MTX3: variants seen among roughly 807,000 people sequenced by gnomAD.
MTX3 encodes the protein metaxin-3.
In MTX3, 27 loss-of-function variants were observed where a neutral mutation model predicts 42.5. That is an observed-to-expected ratio of 0.64 (90% CI 0.47 to 0.88). The LOEUF (loss-of-function observed/expected upper bound fraction) is 0.88, where lower values mean the gene tolerates loss of function less well. MTX3 is among the 40% of genes least tolerant of loss of function. The pLI is 0.00. For missense variants in MTX3, 378 were observed against 367.0 expected, an observed-to-expected ratio of 1.03 and a Z score of -0.25; for synonymous variants, 144 against 132.9, an observed-to-expected ratio of 1.08 and a Z score of -0.57.
At chr5:79,984,502 T>G (rs565029257) in intron 8 of MTX3, among the ~76,000 whole-genome samples, 1 of 152,244 alleles carries the variant, frequency 6.6e-6, no homozygotes, top group East Asian at 1.9e-4. Context: ...CACTTCTAAA[T>G]GAGGTAACCC....
At chr5:79,991,002 T>C (rs1265947297) in intron 1 of MTX3, 156 bp downstream of exon 1, 3 of 827,988 alleles carry the variant, frequency 3.6e-6, no homozygotes, top group East Asian at 2.7e-5. Context: ...ATCGGCCAGG[T>C]TGGGACTCGT....
intron 8 of MTX3, 106 bp downstream of exon 8, chr5:79,985,465 T>A: frequency 1.3e-6 from 1 of 746,560 alleles, no homozygotes; most frequent in Non-Finnish European, 2.3e-6. Flanking sequence ...AAACAAACTC[T>A]ATAAAAAAAA....
chr5:79,982,702 T>C lies in MTX3; in HGVS notation c.*982A>G, dbSNP rs563364627. ...AAAATAATTGGTTGTCAGAAAGCTT[T>C]TGACTACATGATATGCATCTTATGA... On this transcript the variant is annotated 3_prime_UTR_variant, in exon 9 of 9. Coordinates refer to ENST00000512528, the MANE Select transcript of MTX3 (RefSeq NM_001363818.2). 3.8e-4 allele frequency: 91 copies of C among 240,228 alleles called. No homozygotes were observed. The highest frequency in any genetic ancestry group is 2.0e-3 in the African/African-American group (86 of 43,794). 14.9% of individuals were successfully genotyped at this position (240,228 alleles called of 1,614,324 possible).
At position 79,976,927 on chromosome 5, in the gene MTX3, G is replaced by A. The variant is rs1831265067; in HGVS notation, c.*6757C>T. ...GGCCAACATTGCTTACTTTAAGATTGTTTACTTTATAAAGAAGCTAGAGTA... is the reference window on the plus strand; with the variant it reads ...GGCCAACATTGCTTACTTTAAGATTATTTACTTTATAAAGAAGCTAGAGTA... On this transcript the variant is annotated 3_prime_UTR_variant, in exon 9 of 9. Transcript: ENST00000512528. 6.6e-6 allele frequency: 1 copy of A among 152,484 alleles called. No homozygotes were observed. Among genetic ancestry groups the A allele is most frequent in the African/African-American group, 2.4e-5 (1 of 41,406 alleles). 9.4% of individuals were successfully genotyped at this position (152,484 alleles called of 1,614,324 possible).
In MTX3 at chr5:79,983,543, A is replaced by C. The variant is rs80135089; in HGVS notation, c.*141T>G. On this transcript the variant is annotated 3_prime_UTR_variant, in exon 9 of 9. Coordinates refer to ENST00000512528, the MANE Select transcript of MTX3 (RefSeq NM_001363818.2). ...TACAAGCTTCCTAATAATAATAGTA[A>C]AAATAGATGGCATAGAAAGTTCCTT... 4.1e-3 allele frequency: 2,689 copies of C among 660,394 alleles called. 9 individuals are homozygous for C. The highest frequency in any genetic ancestry group is 5.8e-3 in the Non-Finnish European group (2,141 of 367,592). 40.9% of individuals were successfully genotyped at this position (660,394 alleles called of 1,614,324 possible).
At position 79,988,485 on chromosome 5, in the gene MTX3, G is replaced by A. The variant is rs911056911; in HGVS notation, c.481C>T (p.His161Tyr). The A allele has an allele frequency of 3.2e-5, 51 of 1,611,790 alleles. No homozygotes were observed. Among genetic ancestry groups the A allele is most frequent in the Non-Finnish European group, 4.2e-5 (50 of 1,179,298 alleles). Residue 161 changes from histidine to tyrosine, a missense_variant, in exon 5 of 9, where the codon CAC becomes TAC. Coordinates refer to ENST00000512528, the MANE Select transcript of MTX3 (RefSeq NM_001363818.2). ...LLTRGQPPLY[H>Y]LREVEAQIYR... is the part of the protein sequence containing the mutation. ...ACCTGTGCTTCCACTTCTCGGAGGT[G>A]GTAGAGGGGAGGCTGTCCTCTGGTC... is the stretch of plus-strand genomic sequence containing the variant.
chr5:79,985,750 C>A, intron 7 of MTX3, 91 bp from the exon 8 acceptor site: 1 of 807,848 alleles, frequency 1.2e-6, no homozygotes. Flanking sequence ...GTCTACCCAC[C>A]CTGTCCAGTG....
At chr5:79,985,346 A>G (rs1321694548) in intron 8 of MTX3, among the ~76,000 whole-genome samples, 1 of 152,112 alleles carries the variant, frequency 6.6e-6, no homozygotes, top group East Asian at 1.9e-4. Context: ...GTGTGGCAAA[A>G]GTAAACCCAA....
intron 7 of MTX3, among the ~76,000 whole-genome samples, chr5:79,985,963 C>T (rs1489186697): frequency 6.8e-6 from 1 of 146,448 alleles, no homozygotes; most frequent in Admixed American, 6.9e-5. Flanking sequence ...CAGTAGTCCT[C>T]ATTTCCTTCT....
chr5:79,989,197 T>C lies in MTX3; in HGVS notation c.276A>G (p.Thr92=), dbSNP rs1831568478. The C allele has an allele frequency of 1.9e-6, 3 of 1,609,486 alleles. No homozygotes were observed. Among genetic ancestry groups the C allele is most frequent in the African/African-American group, 1.3e-5 (1 of 74,930 alleles). The change falls in exon 4 of 9, where the codon ACA becomes ACG. Residue 92 remains threonine (T), a synonymous_variant. Coordinates refer to ENST00000512528, the MANE Select transcript of MTX3 (RefSeq NM_001363818.2). ...YELSAKQGAD[T]LAYIALLEEK... is the part of the protein sequence containing the mutation. ...CTTCGAGGAGAGCAATATAAGCCAA[T>C]GTATCTGCCCCTTGTTTTGCTGAGA...
chr5:79,989,249 TA>T lies in MTX3; in HGVS notation c.229-6del, dbSNP rs763172014. 6.7e-4 allele frequency: 1,012 copies of T among 1,511,392 alleles called. No homozygotes were observed. Among genetic ancestry groups the T allele is most frequent in the South Asian group, 1.1e-3 (90 of 79,828 alleles). The allele number at this position is 1,511,392 out of a possible 1,614,324, so 93.6% of individuals were successfully genotyped here. On this transcript the variant is annotated splice_polypyrimidine_tract_variant and splice_region_variant and intron_variant, in intron 3 of 8. Coordinates refer to ENST00000512528, the MANE Select transcript of MTX3 (RefSeq NM_001363818.2). Reference sequence around the variant, plus strand: ...TTCATAATCAGCATTATATTTCTATTAAAAAAAAATAAACCAAAGAAACTCA... The same window carrying T: ...TTCATAATCAGCATTATATTTCTATTAAAAAAAATAAACCAAAGAAACTCA...
intron 8 of MTX3, 128 bp from the exon 9 acceptor site, chr5:79,983,922 CTTT>C (rs1831432108): frequency 1.7e-6 from 1 of 576,332 alleles, no homozygotes; most frequent in Non-Finnish European, 3.1e-6. Context: ...CTAGAGAAAC[CTTT>C]TTCTTACAAA....
Position 79,990,916 on chromosome 5 carries a change from G to A in MTX3, c.81+242C>T, listed in dbSNP as rs1017704937. The A allele has an allele frequency of 1.3e-5, 9 of 709,122 alleles. No individual in the cohort carries two copies. In the African/African-American group the frequency reaches 1.6e-4, roughly 12 times the overall value. 43.9% of individuals were successfully genotyped at this position (709,122 alleles called of 1,614,324 possible). ...CTTCGGGGTTTCACTCCACCGCCCA[G>A]ACAGCTTTGTGAGGCGGACAAAACT... On this transcript the variant is annotated intron_variant, in intron 1 of 8. Coordinates refer to ENST00000512528, the MANE Select transcript of MTX3 (RefSeq NM_001363818.2).
Position 79,983,104 on chromosome 5 carries a change from C to A in MTX3, c.*580G>T, listed in dbSNP as rs1181456565. On this transcript the variant is annotated 3_prime_UTR_variant, in exon 9 of 9. Coordinates refer to ENST00000512528, the MANE Select transcript of MTX3 (RefSeq NM_001363818.2). ...TAATATTTATCTATGTGCTACTAAA[C>A]CCCCAAAAGATTAGACTTATGAGAG... 6.5e-6 allele frequency: 1 copy of A among 154,226 alleles called. No homozygotes were observed. The highest frequency in any genetic ancestry group is 1.9e-4 in the East Asian group (1 of 5,218). The allele number at this position is 154,226 out of a possible 1,614,324, so 9.6% of individuals were successfully genotyped here. A position where few individuals can be genotyped will look rare whatever the true frequency, so the allele number is the denominator to read the frequency against.
At chr5:79,986,750 C>T in intron 7 of MTX3, 200 bp downstream of exon 7, 1 of 596,972 alleles carries the variant, frequency 1.7e-6, no homozygotes. Flanking sequence ...AGATAAAAGG[C>T]AAATATCTAT....
At position 79,981,282 on chromosome 5, in the gene MTX3, A is replaced by G. The variant is rs1001617410; in HGVS notation, c.*2402T>C. On this transcript the variant is annotated 3_prime_UTR_variant, in exon 9 of 9. Transcript: ENST00000512528. ...TGTCATCTCATTTACTTATACATAA[A>G]TAGCTCAACTAAGTAACCCAACATA... The G allele has an allele frequency of 3.9e-5, 6 of 152,214 alleles. No individual in the cohort carries two copies. The highest frequency in any genetic ancestry group is 7.3e-5 in the Non-Finnish European group (5 of 68,036). The allele number at this position is 152,214 out of a possible 1,614,324, so 9.4% of individuals were successfully genotyped here.
intron 8 of MTX3, among the ~76,000 whole-genome samples, chr5:79,984,524 A>T (rs1337133202): frequency 6.6e-6 from 1 of 152,168 alleles, no homozygotes; most frequent in Non-Finnish European, 1.5e-5. Flanking sequence ...CATCAAGCTC[A>T]AATAACACAG....
At chr5:79,990,048 G>C (rs1831594979) in intron 3 of MTX3, 112 bp downstream of exon 3, 1 of 533,968 alleles carries the variant, frequency 1.9e-6, no homozygotes, top group Admixed American at 3.9e-5. Context: ...TCTTGTCCCA[G>C]GTATCTCCAA....
At position 79,983,601 on chromosome 5, in the gene MTX3, G is replaced by A. The variant is rs1831420760; in HGVS notation, c.*83C>T. ...AGAGTCTTCCTTAATACCTATTATG[G>A]TATCTTCTTTTTGCCTTCACACACT... On this transcript the variant is annotated 3_prime_UTR_variant, in exon 9 of 9. Transcript: ENST00000512528. The A allele has an allele frequency of 2.1e-6, 2 of 948,634 alleles. No homozygotes were observed. The highest frequency in any genetic ancestry group is 3.5e-5 in the Admixed American group (2 of 57,046). 58.8% of individuals were successfully genotyped at this position (948,634 alleles called of 1,614,324 possible).
Sources: allele counts gnomAD v4.1 joint callset (sites outside exome capture counted in the v4.1 genomes callset), GRCh38; gene constraint gnomAD v4.1.1; transcripts MANE v1.5; gene names NCBI Gene and HGNC (gene_info 2026-07-23, HGNC 2026-07-21).